CHRNA7: variants seen among roughly 807,000 people sequenced by gnomAD.
CHRNA7 encodes neuronal acetylcholine receptor subunit alpha-7.
In CHRNA7, 17 loss-of-function variants were observed where a neutral mutation model predicts 48.0. The ratio of observed to expected loss-of-function variants is 0.35; its 90% CI spans 0.24 to 0.53. CHRNA7 has a LOEUF of 0.53. CHRNA7 is among the 20% of genes least tolerant of loss of function. CHRNA7 has a pLI of 0.92. For missense variants in CHRNA7, 155 were observed against 577.7 expected (o/e 0.27, Z 7.50); for synonymous variants, 75 against 242.3 (o/e 0.31, Z 6.41).
chr15:32,079,005 A>G (rs2050176218), intron 2 of CHRNA7, among the ~76,000 whole-genome samples: 1 of 152,214 alleles, frequency 6.6e-6, no homozygotes, highest in South Asian at 2.1e-4. Context: ...ACATAGGAAA[A>G]TCAATAAATG....
intron 2 of CHRNA7, among the ~76,000 whole-genome samples, chr15:32,076,907 C>G (rs117126238): frequency 6.6e-6 from 1 of 152,222 alleles, no homozygotes; most frequent in East Asian, 1.9e-4. Flanking sequence ...TCACTGCCCC[C>G]CAAGTCTTCT....
At chr15:32,045,299 G>T (rs966455097) in intron 2 of CHRNA7, among the ~76,000 whole-genome samples, 3 of 152,140 alleles carry the variant, frequency 2.0e-5, no homozygotes, top group African/African-American at 7.2e-5. Context: ...CCCAGACAAT[G>T]TATGGGAAAA....
intron 2 of CHRNA7, among the ~76,000 whole-genome samples, chr15:32,033,692 C>T (rs1901951505): frequency 6.6e-6 from 1 of 152,212 alleles, no homozygotes; most frequent in Non-Finnish European, 1.5e-5. Flanking sequence ...GCTGAAATCT[C>T]AGCGCTCTGG....
chr15:32,072,505 G>C (rs773279380), intron 2 of CHRNA7, among the ~76,000 whole-genome samples: 1 of 152,242 alleles, frequency 6.6e-6, no homozygotes, highest in Non-Finnish European at 1.5e-5. Flanking sequence ...AGATTTGCAT[G>C]ACTAAAAGGG....
At chr15:32,151,825 G>C (rs140904243) in intron 4 of CHRNA7, among the ~76,000 whole-genome samples, 51 of 152,148 alleles carry the variant, frequency 3.4e-4, no homozygotes, top group African/African-American at 1.1e-3. Flanking sequence ...ATCCTCCACT[G>C]TGTGTCGCAT....
At chr15:32,063,040 A>G (rs1466964369) in intron 2 of CHRNA7, among the ~76,000 whole-genome samples, 1 of 152,208 alleles carries the variant, frequency 6.6e-6, no homozygotes, top group African/African-American at 2.4e-5. Context: ...AACATAGAAA[A>G]GGTGTAGTAA....
Position 32,129,606 on chromosome 15 carries a change from G to A in CHRNA7, c.350+17707G>A, listed in dbSNP as rs143366527. 5.8e-4 allele frequency among the ~76,000 whole-genome samples: 88 copies of A among 151,878 alleles called. No individual in the cohort carries two copies. In the East Asian group the frequency reaches 7.3e-3, roughly 13 times the overall value. Reference sequence around the variant, plus strand: ...TTCTTTTGATGTCTACAATGTCTGTGTAGTGACACATAGAATACATTCGTG... The same window carrying A: ...TTCTTTTGATGTCTACAATGTCTGTATAGTGACACATAGAATACATTCGTG... On this transcript the variant is annotated intron_variant, in intron 4 of 9. Coordinates refer to ENST00000306901, the MANE Select transcript of CHRNA7 (RefSeq NM_000746.6).
intron 3 of CHRNA7, chr15:32,102,457 A>G (rs1254251526): frequency 6.6e-6 from 1 of 152,182 alleles, no homozygotes; most frequent in Non-Finnish European, 1.5e-5. Context: ...AAAGTCTTTT[A>G]TTAATCGTGC....
chr15:32,075,459 C>T (rs920701775), intron 2 of CHRNA7, among the ~76,000 whole-genome samples: 8 of 152,066 alleles, frequency 5.3e-5, no homozygotes, highest in South Asian at 2.1e-4. Context: ...TTATTCATTT[C>T]GTCTAAATCG....
At chr15:32,082,280 T>C (rs540728352) in intron 2 of CHRNA7, among the ~76,000 whole-genome samples, 4 of 152,180 alleles carry the variant, frequency 2.6e-5, no homozygotes, top group Admixed American at 6.5e-5. Flanking sequence ...TCATTATTCA[T>C]GTACTTTTTC....
intron 4 of CHRNA7, among the ~76,000 whole-genome samples, chr15:32,128,643 T>G (rs769337990): frequency 2.5e-4 from 37 of 149,118 alleles, no homozygotes; most frequent in Non-Finnish European, 4.3e-4. Flanking sequence ...GGTTTAGCAG[T>G]TTTTTTTTTA....
intron 4 of CHRNA7, among the ~76,000 whole-genome samples, chr15:32,120,236 C>T (rs568864265): frequency 1.3e-5 from 2 of 152,202 alleles, no homozygotes; most frequent in South Asian, 2.1e-4. Flanking sequence ...GCCAGTCTCT[C>T]GACACATCAG....
At chr15:32,062,918 A>C (rs2049902652) in intron 2 of CHRNA7, among the ~76,000 whole-genome samples, 1 of 152,216 alleles carries the variant, frequency 6.6e-6, no homozygotes. Flanking sequence ...CATACTACAC[A>C]CTTAGGCTAT....
intron 2 of CHRNA7, among the ~76,000 whole-genome samples, chr15:32,064,482 A>AGTGTGTGTGTGT (rs5811677): frequency 6.6e-6 from 1 of 150,510 alleles, no homozygotes; most frequent in Admixed American, 6.6e-5. Context: ...GTGTGTGTGT[A>AGTGTGTGTGTGT]GTGTGTGTGT....
At chr15:32,048,543 A>T (rs746656542) in intron 2 of CHRNA7, among the ~76,000 whole-genome samples, 5 of 151,906 alleles carry the variant, frequency 3.3e-5, no homozygotes, top group Non-Finnish European at 7.4e-5. Flanking sequence ...TATTGCGTCT[A>T]TTTGATTCTT....
At chr15:32,129,155 C>T (rs1427702758) in intron 4 of CHRNA7, among the ~76,000 whole-genome samples, 1 of 151,726 alleles carries the variant, frequency 6.6e-6, no homozygotes, top group Non-Finnish European at 1.5e-5. Flanking sequence ...AGTTGTATTG[C>T]CAATATTTTA....
intron 3 of CHRNA7, among the ~76,000 whole-genome samples, chr15:32,103,749 C>T (rs993398113): frequency 6.6e-6 from 1 of 152,180 alleles, no homozygotes; most frequent in Non-Finnish European, 1.5e-5. Flanking sequence ...AAAATAGTGT[C>T]CGTGGGTCAT....
intron 2 of CHRNA7, among the ~76,000 whole-genome samples, chr15:32,077,709 T>C (rs144161274): frequency 6.6e-6 from 1 of 152,138 alleles, no homozygotes; most frequent in Non-Finnish European, 1.5e-5. Context: ...CTACAGGCTG[T>C]GGAAGTATGG....
chr15:32,045,150 A>T (rs902148721), intron 2 of CHRNA7, among the ~76,000 whole-genome samples: 3 of 152,178 alleles, frequency 2.0e-5, no homozygotes, highest in African/African-American at 7.2e-5. Context: ...TATATTAATA[A>T]GACTTTTTTT....
Sources: gnomAD v4.1 joint callset for allele counts (sites outside exome capture counted in the v4.1 genomes callset) on GRCh38, gnomAD v4.1.1 for gene constraint, MANE v1.5 for transcripts, NCBI Gene and HGNC (gene_info 2026-07-23, HGNC 2026-07-21) for gene names.